The following DPH6 variants were observed in gnomAD, a reference collection of about 807,000 sequenced individuals.
DPH6 encodes the protein diphthamine biosynthesis 6.
In DPH6, 33 loss-of-function variants were observed where a neutral mutation model predicts 38.2. That is an observed-to-expected ratio of 0.86 (90% confidence interval 0.65 to 1.15). The LOEUF is 1.15. DPH6 is among the 50% of genes most tolerant of loss of function. The probability of loss-of-function intolerance (pLI) is 0.00; values close to 1 mark genes in which losing one functional copy is unlikely to be tolerated. For missense variants in DPH6, 325 were observed against 320.0 expected (o/e 1.02, Z -0.12); for synonymous variants, 108 against 103.0 (o/e 1.05, Z -0.30).
At chr15:35,309,547 C>T (rs563459072) in intron 3 of DPH6, among the ~76,000 whole-genome samples, 38 of 152,200 alleles carry the variant, frequency 2.5e-4, no homozygotes, top group Middle Eastern at 3.4e-3. Flanking sequence ...ATAGTAACTG[C>T]CTTAAACCCA....
chr15:35,256,607 G>A (rs1460193040), intron 3 of DPH6, among the ~76,000 whole-genome samples: 1 of 152,174 alleles, frequency 6.6e-6, no homozygotes, highest in Non-Finnish European at 1.5e-5. Context: ...TGTATATAAT[G>A]GAAAGTACTT....
rs377516250 is a variant in DPH6 at position 35,283,191 on chromosome 15, CTCT to C, written n.201-62612_201-62610del. On this transcript the variant is annotated intron_variant and non_coding_transcript_variant, in intron 3 of 3. Coordinates refer to the DPH6 transcript ENST00000560386. ...TCCCCCTCTTCCTCTTCTTTTTCTTCTCTTCTTCTTCTTTCTTCCTCTTCCTCT... is the reference window on the plus strand; with the variant it reads ...TCCCCCTCTTCCTCTTCTTTTTCTTCTCTTCTTCTTTCTTCCTCTTCCTCT... 2.6e-3 allele frequency among the ~76,000 whole-genome samples: 356 copies of C among 137,546 alleles called. 1 individual carries two copies. Among genetic ancestry groups the C allele is most frequent in the African/African-American group, 7.5e-3 (279 of 36,956 alleles). The allele number at this position is 137,546 out of a possible 152,430, so 90.2% of individuals were successfully genotyped here.
At chr15:35,195,082 T>C in the DPH6 span, among the ~76,000 whole-genome samples, 29 of 152,160 alleles carry the variant, frequency 1.9e-4, no homozygotes, top group African/African-American at 7.0e-4. Context: ...TCCACACCCT[T>C]CCTGGCCTCT....
chr15:35,268,311 T>A (rs1024541594), intron 3 of DPH6, among the ~76,000 whole-genome samples: 1 of 151,894 alleles, frequency 6.6e-6, no homozygotes, highest in African/African-American at 2.4e-5. Context: ...GGTGGAAGAT[T>A]GAAGCTAGAT....
chr15:35,520,402 C>G (rs1373626416), intron 3 of DPH6: 2 of 983,084 alleles, frequency 2.0e-6, no homozygotes, highest in Non-Finnish European at 2.4e-6. Context: ...TAAGTTACAT[C>G]AAACAATAGT....
chr15:35,328,494 G>A (rs2052302698), downstream of DPH6, among the ~76,000 whole-genome samples: 1 of 152,164 alleles, frequency 6.6e-6, no homozygotes, highest in African/African-American at 2.4e-5. Flanking sequence ...ACTTGACACA[G>A]AGTAGGTGCT....
chr15:35,319,268 G>A (rs1278769490), intron 3 of DPH6, among the ~76,000 whole-genome samples: 1 of 151,934 alleles, frequency 6.6e-6, no homozygotes, highest in Non-Finnish European at 1.5e-5. Context: ...AATGTGAAAG[G>A]TTCTTCCCTC....
At chr15:35,488,536 G>T (rs2054434640) in intron 3 of DPH6, among the ~76,000 whole-genome samples, 1 of 152,096 alleles carries the variant, frequency 6.6e-6, no homozygotes, top group Non-Finnish European at 1.5e-5. Context: ...TAAACCATCA[G>T]ATCTCATGAG....
chr15:35,492,295 C>T (rs1402573898), intron 3 of DPH6, among the ~76,000 whole-genome samples: 3 of 152,052 alleles, frequency 2.0e-5, no homozygotes, highest in African/African-American at 2.4e-5. Flanking sequence ...AACACTCTCA[C>T]GGACACACCC....
chr15:35,299,502 G>T, intron 3 of DPH6: 1 of 704,610 alleles, frequency 1.4e-6, no homozygotes, highest in Non-Finnish European at 2.6e-6. Context: ...GGTGGCGGCA[G>T]CGCGGAGCCG....
intron 3 of DPH6, among the ~76,000 whole-genome samples, chr15:35,525,254 C>G (rs2054981622): frequency 6.6e-6 from 1 of 152,130 alleles, no homozygotes; most frequent in Non-Finnish European, 1.5e-5. Flanking sequence ...ATTCTTCTCT[C>G]CTTCAACATA....
At chr15:35,448,523 G>T (rs918193782) in intron 5 of DPH6, among the ~76,000 whole-genome samples, 1 of 152,088 alleles carries the variant, frequency 6.6e-6, no homozygotes, top group Non-Finnish European at 1.5e-5. Context: ...CACATTCAAA[G>T]AAATCAGGGC....
intron 5 of DPH6, among the ~76,000 whole-genome samples, chr15:35,422,983 T>C (rs1040453276): frequency 7.9e-5 from 12 of 151,876 alleles, no homozygotes; most frequent in Admixed American, 2.6e-4. Context: ...TAGGCTGTTT[T>C]CATATCTTAG....
chr15:35,177,410 C>G, the DPH6 span, among the ~76,000 whole-genome samples: 32 of 145,998 alleles, frequency 2.2e-4, no homozygotes, highest in South Asian at 7.1e-3. Context: ...CCCCACCTCT[C>G]TACAAAAATA....
chr15:35,521,524 T>C, intron 3 of DPH6: 1 of 1,221,130 alleles, frequency 8.2e-7, no homozygotes, highest in Middle Eastern at 3.2e-4. Flanking sequence ...TATGAAGAGT[T>C]GTGTTCAATT....
chr15:35,429,886 C>T (rs16960926), intron 5 of DPH6, among the ~76,000 whole-genome samples: 50,980 of 151,754 alleles, frequency 0.34, 10,074 homozygotes, highest in African/African-American at 0.56. Flanking sequence ...GTAATATTTA[C>T]GAGTTAGAGT....
chr15:35,350,786 A>G (rs958038758), intron 3 of DPH6, among the ~76,000 whole-genome samples: 3 of 152,178 alleles, frequency 2.0e-5, no homozygotes, highest in African/African-American at 7.2e-5. Context: ...CACTGTGGTT[A>G]GAGAAGATAG....
the DPH6 span, among the ~76,000 whole-genome samples, chr15:35,196,950 T>C: frequency 3.3e-5 from 5 of 152,208 alleles, no homozygotes; most frequent in South Asian, 2.1e-4. Context: ...TTTCATGCTT[T>C]TAATTTTTTT....
At position 35,467,566 on chromosome 15, in the gene DPH6, G is replaced by A. The variant is rs139302867; in HGVS notation, c.313-12746C>T. On this transcript the variant is annotated intron_variant, in intron 3 of 8. Transcript: ENST00000256538. ...TGGCAACAGGGTGAGACTCCATCTC[G>A]AACAAACAAAGAAACAAAACAAACA... Among the ~76,000 whole-genome samples, 466 of 151,988 alleles carry A rather than the reference G, an allele frequency of 3.1e-3. 3 individuals are homozygous for A. Among genetic ancestry groups the A allele is most frequent in the African/African-American group, 0.011 (442 of 41,438 alleles).
Sources: gnomAD v4.1 joint callset for allele counts (sites outside exome capture counted in the v4.1 genomes callset) on GRCh38, gnomAD v4.1.1 for gene constraint, MANE v1.5 for transcripts, NCBI Gene and HGNC (gene_info 2026-07-23, HGNC 2026-07-21) for gene names.